The following SYT1 variants were observed in gnomAD, a reference collection of about 807,000 sequenced individuals.
The protein encoded by SYT1 is synaptotagmin-1.
A neutral mutation model predicts 44.8 loss-of-function variants in SYT1; 8 were observed. That is an observed-to-expected ratio of 0.18 (90% CI 0.10 to 0.32). SYT1 has a LOEUF of 0.32. SYT1 is among the 10% of genes least tolerant of loss of function. The pLI, the probability that SYT1 is intolerant of heterozygous loss-of-function variation, is 1.00. For missense variants in SYT1, 286 were observed against 509.3 expected (o/e 0.56, Z 4.22); for synonymous variants, 154 against 188.8 (o/e 0.82, Z 1.51).
At chr12:78,890,882 T>C (rs1161531802) in intron 1 of SYT1, among the ~76,000 whole-genome samples, 1 of 151,946 alleles carries the variant, frequency 6.6e-6, no homozygotes, top group African/African-American at 2.4e-5. Context: ...AGTAACCATC[T>C]GCTAGAAAGT....
At chr12:78,915,160 AG>A (rs1876576398) in intron 1 of SYT1, among the ~76,000 whole-genome samples, 1 of 152,058 alleles carries the variant, frequency 6.6e-6, no homozygotes, top group Non-Finnish European at 1.5e-5. Context: ...ACTGGAAGGC[AG>A]GGAATGACTC....
In SYT1 at chr12:79,352,197, A is replaced by C. The variant is rs74107434; in HGVS notation, c.811-1305A>C. On this transcript the variant is annotated intron_variant, in intron 8 of 10. Transcript: ENST00000261205. ...GATATAATGAATACACCCCCCCCCC[A>C]AAAAAAAAACGGGGGGGAATTACAT... 9.4e-3 allele frequency among the ~76,000 whole-genome samples: 1,126 copies of C among 119,664 alleles called. 5 individuals are homozygous for C. Among genetic ancestry groups the C allele is most frequent in the African/African-American group, 0.018 (581 of 31,562 alleles). 78.5% of individuals were successfully genotyped at this position (119,664 alleles called of 152,430 possible).
At chr12:79,180,781 C>T (rs1872488644) in intron 3 of SYT1, among the ~76,000 whole-genome samples, 2 of 151,946 alleles carry the variant, frequency 1.3e-5, no homozygotes, top group Admixed American at 6.6e-5. Flanking sequence ...CAATCACCTC[C>T]CAGCAGGCCC....
At chr12:78,904,760 G>C (rs1186881782) in intron 1 of SYT1, among the ~76,000 whole-genome samples, 2 of 151,988 alleles carry the variant, frequency 1.3e-5, no homozygotes, top group Admixed American at 1.3e-4. Flanking sequence ...GACATTCTTA[G>C]TGTTCTAATA....
intron 2 of SYT1, chr12:79,045,916 A>C (rs898304811): frequency 6.6e-6 from 1 of 152,026 alleles, no homozygotes; most frequent in South Asian, 2.1e-4. Context: ...TTTTTTTCCC[A>C]TATTTCTTGT....
intron 9 of SYT1, among the ~76,000 whole-genome samples, chr12:79,442,769 A>G (rs961801929): frequency 2.6e-5 from 4 of 152,224 alleles, no homozygotes; most frequent in Admixed American, 1.3e-4. Flanking sequence ...CTCTTCTAAA[A>G]ATAGGTGGGC....
intron 9 of SYT1, among the ~76,000 whole-genome samples, chr12:79,384,322 AT>A (rs1884341127): frequency 6.6e-6 from 1 of 152,194 alleles, no homozygotes. Context: ...AATATAAAAA[AT>A]TTTGTAAGAT....
intron 9 of SYT1, among the ~76,000 whole-genome samples, chr12:79,369,219 T>G (rs1029403903): frequency 2.0e-5 from 3 of 152,182 alleles, no homozygotes; most frequent in African/African-American, 7.2e-5. Context: ...TGGTGGCTCA[T>G]CCCTGTAATC....
At chr12:78,991,200 T>A (rs1869986879) in intron 2 of SYT1, among the ~76,000 whole-genome samples, 1 of 152,074 alleles carries the variant, frequency 6.6e-6, no homozygotes, top group Non-Finnish European at 1.5e-5. Flanking sequence ...AAATGAATAT[T>A]TGAGGGAATA....
chr12:79,097,106 G>T (rs1342585781), intron 3 of SYT1, among the ~76,000 whole-genome samples: 1 of 152,082 alleles, frequency 6.6e-6, no homozygotes, highest in African/African-American at 2.4e-5. Flanking sequence ...AGGGGGCTTC[G>T]ATTTCAGCTA....
At chr12:79,056,256 A>G (rs542675786) in intron 3 of SYT1, among the ~76,000 whole-genome samples, 2 of 152,092 alleles carry the variant, frequency 1.3e-5, no homozygotes. Flanking sequence ...GAGGGAAGAA[A>G]GAAAAGGAGA....
chr12:78,866,579 T>C (rs537154353), intron 1 of SYT1, among the ~76,000 whole-genome samples: 4 of 152,210 alleles, frequency 2.6e-5, no homozygotes, highest in Non-Finnish European at 5.9e-5. Flanking sequence ...ATTGGGGATA[T>C]AAGCTTTCTT....
chr12:78,964,636 T>C (rs1879676972), intron 1 of SYT1, among the ~76,000 whole-genome samples: 1 of 152,176 alleles, frequency 6.6e-6, no homozygotes, highest in South Asian at 2.1e-4. Context: ...GTTATAAAAC[T>C]GTAGTCATAC....
chr12:79,116,729 T>G (rs1592762160), intron 3 of SYT1, among the ~76,000 whole-genome samples: 3 of 152,334 alleles, frequency 2.0e-5, no homozygotes, highest in Middle Eastern at 6.8e-3. Flanking sequence ...TATACTCACT[T>G]TATTATAGGA....
chr12:78,926,908 G>A (rs1877334203), intron 1 of SYT1, among the ~76,000 whole-genome samples: 1 of 151,988 alleles, frequency 6.6e-6, no homozygotes, highest in Admixed American at 6.6e-5. Context: ...TTTATATTTT[G>A]AATTGAAGGG....
intron 9 of SYT1, among the ~76,000 whole-genome samples, chr12:79,376,850 C>T (rs1312002046): frequency 2.0e-5 from 3 of 152,090 alleles, no homozygotes; most frequent in African/African-American, 7.2e-5. Flanking sequence ...ATCTAAATTG[C>T]CAAAATACCT....
Position 79,328,575 on chromosome 12 carries a change from G to T in SYT1, c.811-24927G>T, listed in dbSNP as rs942531585. On this transcript the variant is annotated intron_variant, in intron 8 of 10. Coordinates refer to ENST00000261205, the MANE Select transcript of SYT1 (RefSeq NM_005639.3). ...TTTAAAATTACTCATGGCCGGGTGC[G>T]GTGGCTCACGCCTGTAATCCCAGCA... Among the ~76,000 whole-genome samples, 5 of 152,114 alleles carry T rather than the reference G, an allele frequency of 3.3e-5. No individual in the cohort carries two copies. In the South Asian group the frequency reaches 1.0e-3, roughly 32 times the overall value.
At chr12:79,236,640 A>AG (rs1426769025) in intron 4 of SYT1, among the ~76,000 whole-genome samples, 1 of 152,218 alleles carries the variant, frequency 6.6e-6, no homozygotes, top group Non-Finnish European at 1.5e-5. Context: ...AGAAAACTGT[A>AG]GAGGTTGACC....
intron 8 of SYT1, among the ~76,000 whole-genome samples, chr12:79,339,186 T>C (rs1882241018): frequency 6.6e-6 from 1 of 152,196 alleles, no homozygotes; most frequent in Non-Finnish European, 1.5e-5. Context: ...ATATACCCAG[T>C]AATGGGATGG....
Sources: gnomAD v4.1 joint callset for allele counts (sites outside exome capture counted in the v4.1 genomes callset) on GRCh38, gnomAD v4.1.1 for gene constraint, MANE v1.5 for transcripts, NCBI Gene and HGNC (gene_info 2026-07-23, HGNC 2026-07-21) for gene names.